Variants in SBF2 observed in about 807,000 individuals in gnomAD.
SBF2 encodes the protein myotubularin-related protein 13.
A neutral mutation model predicts 225.2 loss-of-function variants in SBF2; 112 were observed. The ratio of observed to expected loss-of-function variants is 0.50; its 90% CI spans 0.43 to 0.58. The LOEUF is 0.58. Ranked by LOEUF, SBF2 falls within the 20% of genes least tolerant of loss-of-function variation. The pLI, the probability that SBF2 is intolerant of heterozygous loss-of-function variation, is 0.00. For synonymous variants in SBF2, 763 were observed against 773.3 expected, an observed-to-expected ratio of 0.99 and a Z score of 0.22; for missense variants, 1,996 against 2,206.2, an observed-to-expected ratio of 0.90 and a Z score of 1.91.
intron 2 of SBF2, among the ~76,000 whole-genome samples, chr11:10,112,714 AG>A (rs1952935180): frequency 6.6e-6 from 1 of 152,236 alleles, no homozygotes; most frequent in Non-Finnish European, 1.5e-5. Context: ...AGGTAAGAGC[AG>A]GGAAAGCAAA....
intron 1 of SBF2, among the ~76,000 whole-genome samples, chr11:10,290,776 T>TAATA (rs144601589): frequency 6.6e-6 from 1 of 152,082 alleles, no homozygotes; most frequent in Non-Finnish European, 1.5e-5. Context: ...TATACAGAGA[T>TAATA]AATAAATAAA....
chr11:9,809,044 C>G (rs1854014958), intron 30 of SBF2, 42 bp from the exon 31 acceptor site: 1 of 1,490,268 alleles, frequency 6.7e-7, no homozygotes, highest in African/African-American at 1.4e-5. Flanking sequence ...CAAGCGCTTT[C>G]TGAGTGCAGA....
At chr11:10,207,295 A>AG (rs1023891728) in intron 1 of SBF2, among the ~76,000 whole-genome samples, 32 of 152,188 alleles carry the variant, frequency 2.1e-4, no homozygotes, top group Admixed American at 2.0e-3. Flanking sequence ...ACCAAAAAAA[A>AG]CAAAGCAAAA....
intron 1 of SBF2, among the ~76,000 whole-genome samples, chr11:10,254,912 A>C (rs928371563): frequency 1.9e-5 from 1 of 53,954 alleles, no homozygotes; most frequent in Non-Finnish European, 5.3e-5. Context: ...AAAAAAAAAA[A>C]AAAAAAAAAA....
At chr11:10,134,696 C>T (rs937519728) in intron 2 of SBF2, among the ~76,000 whole-genome samples, 5 of 152,320 alleles carry the variant, frequency 3.3e-5, no homozygotes, top group African/African-American at 9.6e-5. Flanking sequence ...CCTTTGACTC[C>T]AGGTCTCATA....
At chr11:10,192,703 CAA>C (rs151282970) in intron 2 of SBF2, among the ~76,000 whole-genome samples, 3,143 of 152,232 alleles carry the variant, frequency 0.021, 82 homozygotes, top group African/African-American at 0.062. Context: ...AGCAACTTGT[CAA>C]AAGTCATACC....
At chr11:10,187,914 T>C (rs528857197) in intron 2 of SBF2, among the ~76,000 whole-genome samples, 2 of 152,176 alleles carry the variant, frequency 1.3e-5, no homozygotes, top group Admixed American at 1.3e-4. Context: ...CCCTGCAATG[T>C]GCGTGAGATA....
At chr11:10,047,002 G>A (rs554704288) in intron 2 of SBF2, among the ~76,000 whole-genome samples, 1 of 151,928 alleles carries the variant, frequency 6.6e-6, no homozygotes, top group African/African-American at 2.4e-5. Flanking sequence ...GGAATTTGAG[G>A]CAAAAATATA....
At chr11:9,852,244 G>A (rs1025380039) in intron 21 of SBF2, among the ~76,000 whole-genome samples, 4 of 152,102 alleles carry the variant, frequency 2.6e-5, no homozygotes, top group African/African-American at 9.7e-5. Context: ...TTGGGTCCAG[G>A]ACTCTGAATT....
chr11:9,967,137 C>T (rs1353755713), intron 14 of SBF2, among the ~76,000 whole-genome samples: 3 of 152,002 alleles, frequency 2.0e-5, no homozygotes, highest in South Asian at 2.1e-4. Context: ...TTTGGGAGGC[C>T]GAGGAGGGCA....
rs1856468288 is a variant in SBF2 at position 9,845,418 on chromosome 11, C to A, written c.3110+147G>T. 19 of 774,478 alleles carry A rather than the reference C, an allele frequency of 2.5e-5. No individual in the cohort carries two copies. The South Asian group carries it at 2.7e-4, about 11-fold the overall frequency. The allele number at this position is 774,478 out of a possible 1,614,324, so 48.0% of individuals were successfully genotyped here. On this transcript the variant is annotated intron_variant, in intron 24 of 39. Coordinates refer to ENST00000256190, the MANE Select transcript of SBF2 (RefSeq NM_030962.4). The stretch of plus-strand genomic sequence containing the variant: ...ATTTATCAATGCTGCTGTTCCGTAA[C>A]TTTATGATCTTGGCCCCATGGGCTT...
intron 17 of SBF2, among the ~76,000 whole-genome samples, chr11:9,867,408 C>T (rs2134035854): frequency 6.6e-6 from 1 of 152,128 alleles, no homozygotes; most frequent in Non-Finnish European, 1.5e-5. Flanking sequence ...GGTAAGGACA[C>T]AGAGAATGGA....
At chr11:9,802,615 A>G (rs1265937591) in intron 32 of SBF2, among the ~76,000 whole-genome samples, 1 of 152,192 alleles carries the variant, frequency 6.6e-6, no homozygotes, top group Non-Finnish European at 1.5e-5. Context: ...TGTGTCCCTG[A>G]GAGACTGAGG....
chr11:10,075,478 C>T (rs1841868409), intron 2 of SBF2, among the ~76,000 whole-genome samples: 1 of 152,162 alleles, frequency 6.6e-6, no homozygotes, highest in African/African-American at 2.4e-5. Flanking sequence ...GAATCGTGAT[C>T]CCAAGTGTTG....
chr11:10,101,123 G>A (rs1373404023), intron 2 of SBF2, among the ~76,000 whole-genome samples: 1 of 152,152 alleles, frequency 6.6e-6, no homozygotes, highest in Non-Finnish European at 1.5e-5. Flanking sequence ...CTAACTCAGA[G>A]AACCCTCCTT....
Position 10,230,789 on chromosome 11 carries a change from T to A in SBF2, c.56-36802A>T, listed in dbSNP as rs373147822. ...TGGTGAATCTGACAGTTATGTATCTTGGAGTTGCTCTTCTCAAGGAGTATC... is the reference window on the plus strand; with the variant it reads ...TGGTGAATCTGACAGTTATGTATCTAGGAGTTGCTCTTCTCAAGGAGTATC... On this transcript the variant is annotated intron_variant, in intron 1 of 39. Transcript: ENST00000256190. Among the ~76,000 whole-genome samples the A allele has an allele frequency of 1.1e-3, 162 of 152,314 alleles. 2 individuals are homozygous for A. In the South Asian group the frequency reaches 0.033, roughly 31 times the overall value.
intron 2 of SBF2, among the ~76,000 whole-genome samples, chr11:10,154,344 T>C (rs1955364874): frequency 6.6e-6 from 1 of 152,138 alleles, no homozygotes; most frequent in Non-Finnish European, 1.5e-5. Flanking sequence ...GTATTTTTTA[T>C]TTTTTTAAGA....
At chr11:9,853,182 T>C (rs1017625276) in intron 20 of SBF2, among the ~76,000 whole-genome samples, 2 of 152,194 alleles carry the variant, frequency 1.3e-5, no homozygotes, top group African/African-American at 4.8e-5. Flanking sequence ...AGTCCACTTA[T>C]GTGAAATATC....
At chr11:9,900,843 C>A (rs1235792137) in intron 16 of SBF2, among the ~76,000 whole-genome samples, 25 of 152,154 alleles carry the variant, frequency 1.6e-4, no homozygotes, top group Non-Finnish European at 2.9e-5. Context: ...CTCAAGCGAT[C>A]CTCCTGCCTC....
Sources: gnomAD v4.1 joint callset for allele counts (sites outside exome capture counted in the v4.1 genomes callset) on GRCh38, gnomAD v4.1.1 for gene constraint, MANE v1.5 for transcripts, NCBI Gene and HGNC (gene_info 2026-07-23, HGNC 2026-07-21) for gene names.